DACH2: variants seen among roughly 807,000 people sequenced by gnomAD.
The protein encoded by DACH2 is dachshund family transcription factor 2.
DACH2 carries 17 observed loss-of-function variants against 35.8 expected under a neutral mutation model. That is an observed-to-expected ratio of 0.48 (90% CI 0.33 to 0.71). The LOEUF is 0.71. Ranked by LOEUF, DACH2 falls within the 30% of genes least tolerant of loss-of-function variation. DACH2 has a pLI of 0.02. For synonymous variants in DACH2, 195 were observed against 177.3 expected, an observed-to-expected ratio of 1.10 and a Z score of -0.79; for missense variants, 469 against 472.7, an observed-to-expected ratio of 0.99 and a Z score of 0.07.
At chrX:86,483,384 G>A (rs1010811984) in intron 2 of DACH2, among the ~76,000 whole-genome samples, 1 of 111,459 alleles carries the variant, frequency 9.0e-6, no homozygotes, top group Admixed American at 9.6e-5. Flanking sequence ...TTTATTATAT[G>A]TGGTGTCTTA....
At chrX:86,744,865 C>A (rs2041694934) in intron 7 of DACH2, among the ~76,000 whole-genome samples, 1 of 111,335 alleles carries the variant, frequency 9.0e-6, no homozygotes, top group Non-Finnish European at 1.9e-5. Context: ...CTTTAACAGT[C>A]AGTTCTGGGA....
intron 4 of DACH2, among the ~76,000 whole-genome samples, chrX:86,672,415 A>G (rs1207323146): frequency 2.7e-5 from 3 of 111,744 alleles, no homozygotes; most frequent in East Asian, 2.8e-4. Context: ...AGCCCCTCAC[A>G]TCACAGGCCT....
At chrX:86,773,474 T>G (rs2042005155) in intron 7 of DACH2, among the ~76,000 whole-genome samples, 1 of 112,141 alleles carries the variant, frequency 8.9e-6, no homozygotes. Context: ...TTAACACAAA[T>G]CTGATTTTGG....
chrX:86,222,909 G>T (rs2032745218), intron 1 of DACH2, among the ~76,000 whole-genome samples: 1 of 110,813 alleles, frequency 9.0e-6, no homozygotes, highest in Non-Finnish European at 1.9e-5. Context: ...GGCCAAAGTT[G>T]AAAATGACAA....
intron 3 of DACH2, among the ~76,000 whole-genome samples, chrX:86,543,831 A>G (rs5922253): frequency 0.34 from 22,533 of 66,712 alleles, 3,758 homozygotes; most frequent in Middle Eastern, 0.59. Context: ...TCTGGGGACT[A>G]TTGTGGGGTG....
intron 3 of DACH2, among the ~76,000 whole-genome samples, chrX:86,635,625 A>G (rs961866166): frequency 6.3e-5 from 7 of 111,761 alleles, no homozygotes; most frequent in African/African-American, 2.3e-4. Flanking sequence ...CTATATCTAG[A>G]AAACCCCATA....
At chrX:86,739,195 G>A (rs983530518) in intron 6 of DACH2, among the ~76,000 whole-genome samples, 2 of 111,961 alleles carry the variant, frequency 1.8e-5, no homozygotes, top group Non-Finnish European at 3.8e-5. Context: ...TTTGTTGGCA[G>A]AATTCAACAT....
chrX:86,256,395 T>G (rs2033519815), intron 1 of DACH2, among the ~76,000 whole-genome samples: 1 of 111,492 alleles, frequency 9.0e-6, no homozygotes, highest in Admixed American at 9.6e-5. Context: ...AAGAAAAATA[T>G]TCTCACAAAA....
At chrX:86,426,261 C>T (rs141834920) in intron 2 of DACH2, among the ~76,000 whole-genome samples, 1,491 of 110,850 alleles carry the variant, frequency 0.013, 21 homozygotes, top group Non-Finnish European at 0.022. Flanking sequence ...GTGCTACATA[C>T]GTGCACACCT....
At chrX:86,271,194 G>GATAAGAGAAGAGATTC (rs2033808650) in intron 1 of DACH2, among the ~76,000 whole-genome samples, 1 of 111,759 alleles carries the variant, frequency 8.9e-6, no homozygotes, top group African/African-American at 3.2e-5. Flanking sequence ...AGAAGAGATT[G>GATAAGAGAAGAGATTC]ATAAAAGAGA....
intron 6 of DACH2, among the ~76,000 whole-genome samples, chrX:86,728,043 G>A (rs1303192347): frequency 8.9e-6 from 1 of 112,191 alleles, no homozygotes; most frequent in African/African-American, 3.2e-5. Flanking sequence ...GAACTTGTTA[G>A]AGACTGATTA....
intron 1 of DACH2, among the ~76,000 whole-genome samples, chrX:86,178,189 C>T (rs1286837003): frequency 9.0e-6 from 1 of 111,422 alleles, no homozygotes. Context: ...AATTGCCCTA[C>T]TCAAGCTTTT....
At chrX:86,674,358 T>C (rs1569465010) in intron 4 of DACH2, among the ~76,000 whole-genome samples, 1 of 112,605 alleles carries the variant, frequency 8.9e-6, no homozygotes, top group Non-Finnish European at 1.9e-5. Flanking sequence ...GCCACTGGGC[T>C]CAAGAAATAA....
At chrX:86,401,889 A>C (rs1035154672) in intron 2 of DACH2, among the ~76,000 whole-genome samples, 1 of 112,007 alleles carries the variant, frequency 8.9e-6, no homozygotes, top group Non-Finnish European at 1.9e-5. Context: ...ACATATACAC[A>C]TCAAGAAATG....
intron 1 of DACH2, among the ~76,000 whole-genome samples, chrX:86,250,807 G>T (rs1413049905): frequency 3.6e-5 from 4 of 111,236 alleles, no homozygotes; most frequent in Non-Finnish European, 5.7e-5. Context: ...ACCAGATAAA[G>T]AATTTATAAT....
In DACH2 at chrX:86,209,915, G is replaced by T. The variant is rs143662936; in HGVS notation, c.488+60807G>T. ...CATTCTGAATCAATGTTTAGAAGAT[G>T]ATCTCAGCATTCACCACCTACTATG... On this transcript the variant is annotated intron_variant, in intron 1 of 11. Coordinates refer to ENST00000373125, the MANE Select transcript of DACH2 (RefSeq NM_053281.3). Among the ~76,000 whole-genome samples the T allele has an allele frequency of 9.8e-3, 1,089 of 111,680 alleles. 13 individuals are homozygous for T. Among genetic ancestry groups the T allele is most frequent in the Middle Eastern group, 9.1e-3 (2 of 219 alleles).
At position 86,739,810 on chromosome X, in the gene DACH2, C is replaced by A; in HGVS notation, c.1168C>A (p.Gln390Lys). 8.3e-7 allele frequency: 1 copy of A among 1,201,148 alleles called. No homozygotes were observed. Among genetic ancestry groups the A allele is most frequent in the Non-Finnish European group, 1.1e-6 (1 of 889,684 alleles). The change falls in exon 7 of 12, where the codon CAG (glutamine) becomes AAG (lysine). Residue 390 changes from glutamine (Q) to lysine (K), a missense_variant. Around this residue, in one of 3 missense-constraint regions of DACH2, gnomAD observed 363 missense variants for 334.4 expected, o/e 1.09. Coordinates refer to ENST00000373125, the MANE Select transcript of DACH2 (RefSeq NM_053281.3). ...SLEENHRPGS[Q>K]TSSHTSSSVS... The stretch of plus-strand genomic sequence containing the variant: ...AGAAGAGAATCATCGTCCTGGGAGC[C>A]AGACCTCTTCCCACACCAGCAGCAG...
chrX:86,492,031 C>A (rs1487858624), intron 2 of DACH2, among the ~76,000 whole-genome samples: 1 of 111,569 alleles, frequency 9.0e-6, no homozygotes, highest in Non-Finnish European at 1.9e-5. Flanking sequence ...ATCCTCTTAA[C>A]AATTTTTGAT....
At chrX:86,689,132 C>A (rs1473660921) in intron 4 of DACH2, among the ~76,000 whole-genome samples, 1 of 111,369 alleles carries the variant, frequency 9.0e-6, no homozygotes, top group African/African-American at 3.3e-5. Flanking sequence ...CTAGTTGAGA[C>A]CTTCTCAATA....
Sources: allele counts gnomAD v4.1 joint callset (sites outside exome capture counted in the v4.1 genomes callset), GRCh38; gene constraint gnomAD v4.1.1; regional missense constraint gnomAD v4.1.1; transcripts MANE v1.5; gene names NCBI Gene and HGNC (gene_info 2026-07-23, HGNC 2026-07-21).